Variants in ABCC1 observed in about 807,000 individuals in gnomAD.
The protein encoded by ABCC1 is multidrug resistance-associated protein 1.
In ABCC1, 83 loss-of-function variants were observed where a neutral mutation model predicts 172.9. The observed-to-expected ratio is 0.48, with a 90% CI of 0.40 to 0.58. The LOEUF is 0.58. ABCC1 is among the 20% of genes least tolerant of loss of function. The pLI, the probability that ABCC1 is intolerant of heterozygous loss-of-function variation, is 0.00. For synonymous variants in ABCC1, 937 were observed against 825.2 expected, an observed-to-expected ratio of 1.14 and a Z score of -2.32; for missense variants, 1,817 against 2,002.7, an observed-to-expected ratio of 0.91 and a Z score of 1.77.
intron 12 of ABCC1, among the ~76,000 whole-genome samples, chr16:16,067,522 G>T (rs928861752): frequency 7.2e-5 from 11 of 152,196 alleles, no homozygotes; most frequent in Admixed American, 6.5e-5. Context: ...AGTGCCAACA[G>T]CCCTTAAAAG....
At chr16:16,065,678 C>A (rs555709176) in intron 12 of ABCC1, among the ~76,000 whole-genome samples, 2 of 152,312 alleles carry the variant, frequency 1.3e-5, no homozygotes, top group Admixed American at 6.5e-5. Context: ...GGAGATCCAC[C>A]TGCCTTGGCC....
At chr16:16,019,040 C>T (rs1371298444) in intron 5 of ABCC1, among the ~76,000 whole-genome samples, 3 of 151,654 alleles carry the variant, frequency 2.0e-5, no homozygotes, top group Non-Finnish European at 2.9e-5. Flanking sequence ...GTGTGGCAGC[C>T]GAGTGTCCCT....
chr16:16,115,554 C>T (rs1171563015), intron 23 of ABCC1, among the ~76,000 whole-genome samples: 1 of 151,988 alleles, frequency 6.6e-6, no homozygotes, highest in Non-Finnish European at 1.5e-5. Context: ...CCAGTGTTGG[C>T]CAGGCTGGTC....
At chr16:15,995,590 C>A (rs149909359) in intron 1 of ABCC1, among the ~76,000 whole-genome samples, 3 of 150,484 alleles carry the variant, frequency 2.0e-5, no homozygotes, top group African/African-American at 7.3e-5. Flanking sequence ...CTTTATTTTA[C>A]TTCCACATGA....
At chr16:16,015,876 G>A (rs138246991) in intron 4 of ABCC1, among the ~76,000 whole-genome samples, 59 of 152,284 alleles carry the variant, frequency 3.9e-4, no homozygotes, top group African/African-American at 1.2e-3. Context: ...AAGAACCACC[G>A]GTGGTTTATA....
At chr16:16,090,715 G>A (rs1203067173) in intron 19 of ABCC1, 127 bp downstream of exon 19, 7 of 1,036,566 alleles carry the variant, frequency 6.8e-6, no homozygotes, top group Non-Finnish European at 8.0e-6. Context: ...GGTGGGAGCT[G>A]GATGGAGCCC....
chr16:16,052,347 A>G (rs1022766069), intron 10 of ABCC1, among the ~76,000 whole-genome samples: 3 of 152,052 alleles, frequency 2.0e-5, no homozygotes, highest in Non-Finnish European at 4.4e-5. Context: ...AGTCCCAGCT[A>G]CTTTGGAGGC....
intron 5 of ABCC1, among the ~76,000 whole-genome samples, chr16:16,020,040 G>A (rs528582966): frequency 6.6e-6 from 1 of 152,176 alleles, no homozygotes; most frequent in African/African-American, 2.4e-5. Context: ...TCCTGCCTCA[G>A]CCTCCTGAGT....
chr16:16,125,806 A>C lies in ABCC1; in HGVS notation c.3718-4A>C. On this transcript the variant is annotated splice_polypyrimidine_tract_variant and splice_region_variant and intron_variant, in intron 25 of 30. Coordinates refer to ENST00000399410, the MANE Select transcript of ABCC1 (RefSeq NM_004996.4). ...GAAATGCCACGTGACTCTTCCACTC[A>C]CAGGTCACCACGTACTTGAACTGGC... The C allele has an allele frequency of 1.2e-6, 2 of 1,611,012 alleles. No individual in the cohort carries two copies. The highest frequency in any genetic ancestry group is 1.7e-6 in the Non-Finnish European group (2 of 1,178,092).
In ABCC1 at chr16:16,028,864, C is replaced by G. The variant is rs573892735; in HGVS notation, c.616-4245C>G. Among the ~76,000 whole-genome samples the G allele has an allele frequency of 1.2e-3, 188 of 152,096 alleles. 4 individuals carry two copies. Among genetic ancestry groups the G allele is most frequent in the Admixed American group, 0.012 (187 of 15,274 alleles). Reference sequence around the variant, plus strand: ...GAATATAGCAGGGCTGGGATTAGAACCCAGGTCTGTCCGGGTCCACGGTCT... The same window carrying G: ...GAATATAGCAGGGCTGGGATTAGAAGCCAGGTCTGTCCGGGTCCACGGTCT... On this transcript the variant is annotated intron_variant, in intron 5 of 30. Coordinates refer to ENST00000399410, the MANE Select transcript of ABCC1 (RefSeq NM_004996.4).
At chr16:16,080,555 G>A (rs1196151768) in intron 16 of ABCC1, among the ~76,000 whole-genome samples, 2 of 152,124 alleles carry the variant, frequency 1.3e-5, no homozygotes, top group Non-Finnish European at 2.9e-5. Context: ...CACGTCCCTG[G>A]AAGTTTTGCT....
intron 9 of ABCC1, 108 bp downstream of exon 9, chr16:16,046,121 A>G: frequency 1.6e-6 from 2 of 1,276,704 alleles, no homozygotes. Flanking sequence ...CTTCTGGAGC[A>G]GTAGGATGAG....
chr16:16,087,648 G>A lies in ABCC1; in HGVS notation c.2460+657G>A, dbSNP rs566282138. ...AATTTTTTTTATTTTTAGTAGAATC[G>A]AGGTTTCACCATGTTGGTCAGGCTG... On this transcript the variant is annotated intron_variant, in intron 18 of 30. Transcript: ENST00000399410. Among the ~76,000 whole-genome samples the A allele has an allele frequency of 7.9e-5, 12 of 151,698 alleles. No individual in the cohort carries two copies. In the East Asian group the frequency reaches 1.8e-3, roughly 22 times the overall value.
chr16:16,136,181 G>A (rs2045909759), intron 28 of ABCC1, among the ~76,000 whole-genome samples: 1 of 151,970 alleles, frequency 6.6e-6, no homozygotes, highest in African/African-American at 2.4e-5. Flanking sequence ...GCACCACCAT[G>A]CCCAGCTAAT....
chr16:16,093,405 A>G lies in ABCC1; in HGVS notation c.2644+2817A>G, dbSNP rs141880928. Among the ~76,000 whole-genome samples, 1,466 of 151,758 alleles carry G rather than the reference A, an allele frequency of 9.7e-3. 19 individuals carry two copies. Among genetic ancestry groups the G allele is most frequent in the Admixed American group, 0.016 (242 of 15,204 alleles). ...CCCCCGCCTTTCTTTCCCAGCTGCT[A>G]GAGTATCCAAGCAGTGTATACAGAA... On this transcript the variant is annotated intron_variant, in intron 19 of 30. Transcript: ENST00000399410.
intron 19 of ABCC1, among the ~76,000 whole-genome samples, chr16:16,101,805 T>C (rs540795882): frequency 1.7e-3 from 259 of 152,300 alleles, no homozygotes; most frequent in African/African-American, 5.9e-3. Context: ...TTGGCTGTCA[T>C]TGTCATTGTT....
At chr16:15,954,979 C>T (rs374416555) in intron 1 of ABCC1, among the ~76,000 whole-genome samples, 14 of 152,138 alleles carry the variant, frequency 9.2e-5, no homozygotes, top group African/African-American at 2.9e-4. Context: ...TCGTGTTGCC[C>T]GTTGCCTCAA....
At chr16:16,081,415 T>A (rs2050800559) in intron 16 of ABCC1, among the ~76,000 whole-genome samples, 1 of 152,224 alleles carries the variant, frequency 6.6e-6, no homozygotes, top group Admixed American at 6.5e-5. Context: ...AACCCCAGCT[T>A]TCTGCTATCC....
At chr16:16,009,744 T>C (rs1267382112) in intron 2 of ABCC1, 32 bp from the exon 3 acceptor site, 29 of 1,558,482 alleles carry the variant, frequency 1.9e-5, no homozygotes, top group African/African-American at 2.8e-5. Flanking sequence ...CAGGGCGGTC[T>C]GTTGTAGGAT....
Sources: gnomAD v4.1 joint callset for allele counts (sites outside exome capture counted in the v4.1 genomes callset) on GRCh38, gnomAD v4.1.1 for gene constraint, MANE v1.5 for transcripts, NCBI Gene and HGNC (gene_info 2026-07-23, HGNC 2026-07-21) for gene names.